EHBP1: variants seen among roughly 807,000 people sequenced by gnomAD.
The protein encoded by EHBP1 is EH domain-binding protein 1.
Under a neutral mutation model 144.0 loss-of-function variants are expected in EHBP1, and 55 were observed. The observed-to-expected ratio is 0.38, with a 90% confidence interval of 0.31 to 0.48. The LOEUF is 0.48. EHBP1 is among the 20% of genes least tolerant of loss of function. The pLI is 0.98. For missense variants in EHBP1, 1,200 were observed against 1,364.2 expected (o/e 0.88, Z 1.90); for synonymous variants, 469 against 472.7 (o/e 0.99, Z 0.10).
At chr2:62,676,380 A>C (rs1316658620) in intron 1 of EHBP1, among the ~76,000 whole-genome samples, 5 of 152,224 alleles carry the variant, frequency 3.3e-5, no homozygotes, top group Admixed American at 1.3e-4. Flanking sequence ...GCTGAGGGAG[A>C]TGAATTGACA....
chr2:62,877,321 A>T (rs915761900), intron 10 of EHBP1, among the ~76,000 whole-genome samples: 17 of 152,230 alleles, frequency 1.1e-4, no homozygotes, highest in Non-Finnish European at 2.4e-4. Context: ...CCTAAATAAT[A>T]TGCACCCAAC....
chr2:62,988,104 A>T (rs1205795581), intron 15 of EHBP1: 2 of 868,126 alleles, frequency 2.3e-6, no homozygotes, highest in East Asian at 5.2e-5. Flanking sequence ...TATTTTTATT[A>T]TCTCATCAAT....
In EHBP1 at chr2:62,778,082, C is replaced by T. The variant is rs533085002; in HGVS notation, c.312+6690C>T. Reference sequence around the variant, plus strand: ...TCAAAATGTGTTTTCTTGGTGCTACCTATTCACTATGCAGTCTTTCCCACT... The same window carrying T: ...TCAAAATGTGTTTTCTTGGTGCTACTTATTCACTATGCAGTCTTTCCCACT... On this transcript the variant is annotated intron_variant, in intron 5 of 22. Transcript: ENST00000431489. Among the ~76,000 whole-genome samples the T allele has an allele frequency of 3.3e-5, 5 of 152,258 alleles. No individual in the cohort carries two copies. In the South Asian group the frequency reaches 8.3e-4, roughly 25 times the overall value.
chr2:62,938,825 A>C (rs2153062712), intron 10 of EHBP1, among the ~76,000 whole-genome samples: 1 of 152,244 alleles, frequency 6.6e-6, no homozygotes. Context: ...AAGAAGAAGA[A>C]GAAGAAAAGG....
chr2:62,802,230 C>CATTTTTTTCCCCGGGGGAAT (rs2044048845), intron 5 of EHBP1, among the ~76,000 whole-genome samples: 1 of 152,164 alleles, frequency 6.6e-6, no homozygotes, highest in Non-Finnish European at 1.5e-5. Flanking sequence ...GAGTGTGGAA[C>CATTTTTTTCCCCGGGGGAAT]ATTTTTTTCC....
At chr2:62,935,404 G>C (rs950928569) in intron 10 of EHBP1, among the ~76,000 whole-genome samples, 1 of 147,712 alleles carries the variant, frequency 6.8e-6, no homozygotes, top group Admixed American at 6.8e-5. Flanking sequence ...TCGCAATAAA[G>C]CTTGATAGTT....
intron 19 of EHBP1, among the ~76,000 whole-genome samples, chr2:63,003,745 G>A (rs182251158): frequency 3.9e-4 from 59 of 152,190 alleles, no homozygotes; most frequent in African/African-American, 1.4e-3. Context: ...AGCGGAAGAA[G>A]CCAGAGGGGA....
intron 5 of EHBP1, among the ~76,000 whole-genome samples, chr2:62,813,462 G>C (rs1290094380): frequency 6.6e-6 from 1 of 152,202 alleles, no homozygotes; most frequent in Non-Finnish European, 1.5e-5. Flanking sequence ...TGGGAGCAAG[G>C]TTACAGCAGA....
At chr2:62,737,403 G>C (rs1266280002) in intron 2 of EHBP1, among the ~76,000 whole-genome samples, 1 of 151,900 alleles carries the variant, frequency 6.6e-6, no homozygotes, top group Non-Finnish European at 1.5e-5. Flanking sequence ...TCTCAGACTT[G>C]TCCATACTGA....
At chr2:62,773,507 G>A (rs536346760) in intron 5 of EHBP1, among the ~76,000 whole-genome samples, 1 of 151,862 alleles carries the variant, frequency 6.6e-6, no homozygotes, top group Non-Finnish European at 1.5e-5. Context: ...TTTATTGAAG[G>A]AGTGAGTGAA....
At chr2:62,703,236 A>T (rs935595472), upstream of EHBP1, among the ~76,000 whole-genome samples, 1 of 151,968 alleles carries the variant, frequency 6.6e-6, no homozygotes, top group Non-Finnish European at 1.5e-5. Context: ...TCGTGGTAGC[A>T]TGCGACTGTA....
intron 8 of EHBP1, among the ~76,000 whole-genome samples, chr2:62,863,910 A>G (rs1164702084): frequency 1.6e-5 from 2 of 123,986 alleles, no homozygotes; most frequent in African/African-American, 6.1e-5. Context: ...TCAGTGGCGC[A>G]GTCTCAGCTC....
intron 13 of EHBP1, among the ~76,000 whole-genome samples, chr2:62,954,697 C>T (rs955698242): frequency 9.9e-5 from 15 of 152,182 alleles, no homozygotes; most frequent in African/African-American, 3.6e-4. Flanking sequence ...CACTTATTTT[C>T]TTTTCCTTGA....
chr2:62,739,388 C>CT lies in EHBP1; in HGVS notation c.105-7993dup, dbSNP rs796281688. Among the ~76,000 whole-genome samples the CT allele has an allele frequency of 2.5e-3, 351 of 139,264 alleles. 1 individual carries two copies. Among genetic ancestry groups the CT allele is most frequent in the Middle Eastern group, 0.011 (3 of 270 alleles). The allele number at this position is 139,264 out of a possible 152,430, so 91.4% of individuals were successfully genotyped here. A position where few individuals can be genotyped will look rare whatever the true frequency, so the allele number is the denominator to read the frequency against. On this transcript the variant is annotated intron_variant, in intron 2 of 22. Coordinates refer to ENST00000431489, the MANE Select transcript of EHBP1 (RefSeq NM_001142616.3). Reference sequence around the variant, plus strand: ...TGAGGAATGGTCAGATTGATAGATTCTTTTTTTTTTTTTTCTGCTATCTTG... The same window carrying CT: ...TGAGGAATGGTCAGATTGATAGATTCTTTTTTTTTTTTTTTCTGCTATCTTG...
At chr2:62,741,137 G>T (rs1341219447) in intron 2 of EHBP1, among the ~76,000 whole-genome samples, 1 of 152,086 alleles carries the variant, frequency 6.6e-6, no homozygotes. Context: ...CTCTGTTCTA[G>T]AATCCTGTCC....
rs1327787295 is a variant in EHBP1 at position 63,045,139 on chromosome 2, G to C, written c.3351G>C (p.Lys1117Asn). 1 of 1,597,160 alleles carries C rather than the reference G, an allele frequency of 6.3e-7. No homozygotes were observed. The highest frequency in any genetic ancestry group is 1.1e-5 in the South Asian group (1 of 88,250). ...ATGAGCTGGTGGCCCTGGTGAACAAGCGCGATGCGCTCGTCAGGGACCTGG... is the reference window on the plus strand; with the variant it reads ...ATGAGCTGGTGGCCCTGGTGAACAACCGCGATGCGCTCGTCAGGGACCTGG... ...LLDELVALVN[K>N]RDALVRDLDA... The change falls in exon 22 of 23, where the codon AAG becomes AAC. Residue 1117 changes from lysine to asparagine, a missense_variant. Coordinates refer to ENST00000431489, the MANE Select transcript of EHBP1 (RefSeq NM_001142616.3). This position sits in a 1 kb window ranked among gnomAD's most constrained non-coding sequence, Gnocchi z 5.7.
At chr2:62,809,639 C>T (rs568435777) in intron 5 of EHBP1, among the ~76,000 whole-genome samples, 44 of 152,166 alleles carry the variant, frequency 2.9e-4, no homozygotes, top group Middle Eastern at 6.8e-3. Flanking sequence ...GGTAGTTTTT[C>T]ACCTACCACC....
rs199696960 is a variant in EHBP1 at position 62,687,756 on chromosome 2, A to G, written c.-296+13673A>G. On this transcript the variant is annotated intron_variant, in intron 1 of 22. Transcript: ENST00000405015. ...AAGATATTCCTTTAAAGATACTGCT[A>G]AAGACTCCAGAATCTGCACAGACCC... is the stretch of plus-strand genomic sequence containing the variant. 5.3e-5 allele frequency among the ~76,000 whole-genome samples: 8 copies of G among 152,162 alleles called. No homozygotes were observed. The East Asian group carries it at 1.2e-3, about 22-fold the overall frequency.
chr2:62,916,520 G>A (rs1464554199), intron 10 of EHBP1, among the ~76,000 whole-genome samples: 2 of 151,698 alleles, frequency 1.3e-5, no homozygotes, highest in East Asian at 1.9e-4. Flanking sequence ...TTGAACCCTG[G>A]AGGTGGAATT....
Sources: gnomAD v4.1 joint callset for allele counts (sites outside exome capture counted in the v4.1 genomes callset) on GRCh38, gnomAD v4.1.1 for gene constraint, Gnocchi (gnomAD v3.1) non-coding constraint, MANE v1.5 for transcripts, NCBI Gene and HGNC (gene_info 2026-07-23, HGNC 2026-07-21) for gene names.